Variants in RIMKLB observed in about 807,000 individuals in gnomAD.
RIMKLB encodes the protein ribosomal modification protein rimK like family member B.
In RIMKLB, 7 loss-of-function variants were observed where a neutral mutation model predicts 32.0. The observed-to-expected ratio is 0.22, with a 90% confidence interval of 0.12 to 0.41. RIMKLB has a LOEUF of 0.41. Ranked by LOEUF, RIMKLB falls within the 10% of genes least tolerant of loss-of-function variation. The pLI, the probability that RIMKLB is intolerant of heterozygous loss-of-function variation, is 1.00. For synonymous variants in RIMKLB, 172 were observed against 185.1 expected (o/e 0.93, Z 0.57); for missense variants, 289 against 498.7 (o/e 0.58, Z 4.00).
chr12:8,728,528 C>T (rs1946240577), intron 2 of RIMKLB, among the ~76,000 whole-genome samples: 1 of 152,090 alleles, frequency 6.6e-6, no homozygotes. Flanking sequence ...TTTTTCTCCC[C>T]CTAGGTAGGT....
intron 2 of RIMKLB, among the ~76,000 whole-genome samples, chr12:8,737,149 C>A (rs1209457674): frequency 6.6e-6 from 1 of 152,026 alleles, no homozygotes; most frequent in East Asian, 1.9e-4. Flanking sequence ...AGTTCATACT[C>A]AAAAATAGCT....
At chr12:8,742,789 G>T in intron 2 of RIMKLB, 1 of 222,228 alleles carries the variant, frequency 4.5e-6, no homozygotes, top group Non-Finnish European at 9.0e-6. Flanking sequence ...TCCAGGAGCT[G>T]TGCCTTCTGA....
At chr12:8,669,374 G>C in the RIMKLB span, among the ~76,000 whole-genome samples, 2 of 152,066 alleles carry the variant, frequency 1.3e-5, no homozygotes, top group Non-Finnish European at 2.9e-5. Context: ...TCTAACATTG[G>C]GGGTCAAGTT....
chr12:8,744,104 T>A (rs1481454110), intron 2 of RIMKLB, among the ~76,000 whole-genome samples: 1 of 151,954 alleles, frequency 6.6e-6, no homozygotes, highest in Admixed American at 6.6e-5. Flanking sequence ...TCCTTTTATA[T>A]CCATTTATAA....
intron 1 of RIMKLB, among the ~76,000 whole-genome samples, chr12:8,685,837 T>G (rs762617033): frequency 7.9e-5 from 12 of 151,166 alleles, no homozygotes; most frequent in Admixed American, 2.0e-4. Flanking sequence ...AGACAGAGTC[T>G]CGCTCTGTCT....
At chr12:8,720,880 C>G (rs927990070) in intron 2 of RIMKLB, among the ~76,000 whole-genome samples, 3 of 152,070 alleles carry the variant, frequency 2.0e-5, no homozygotes, top group Admixed American at 6.6e-5. Flanking sequence ...TGCCTATGGC[C>G]TTGTAGCTAG....
intron 4 of RIMKLB, among the ~76,000 whole-genome samples, chr12:8,753,076 T>C (rs531684976): frequency 1.3e-5 from 2 of 152,142 alleles, no homozygotes; most frequent in East Asian, 1.9e-4. Context: ...TAAAATGATA[T>C]ATCAGTCTGA....
intron 2 of RIMKLB, among the ~76,000 whole-genome samples, chr12:8,730,534 A>G (rs1946437153): frequency 6.6e-6 from 1 of 152,094 alleles, no homozygotes; most frequent in South Asian, 2.1e-4. Context: ...AGCTTTTCCA[A>G]CCTGAGAACC....
chr12:8,768,049 C>T (rs981558434), intron 5 of RIMKLB, among the ~76,000 whole-genome samples: 1 of 152,168 alleles, frequency 6.6e-6, no homozygotes, highest in Non-Finnish European at 1.5e-5. Context: ...GTTCTCTGAC[C>T]TGGGGTTCTT....
the RIMKLB span, among the ~76,000 whole-genome samples, chr12:8,671,910 TCAAAACAAAA>T: frequency 0.013 from 1,910 of 151,562 alleles, 28 homozygotes; most frequent in African/African-American, 0.04. Flanking sequence ...AGACTCCATC[TCAAAACAAAA>T]CAAAACAAAA....
intron 2 of RIMKLB, among the ~76,000 whole-genome samples, chr12:8,729,929 A>C (rs1370239415): frequency 6.6e-6 from 1 of 152,152 alleles, no homozygotes; most frequent in Admixed American, 6.5e-5. Context: ...TTCCCTAATG[A>C]TTAGTGATTT....
At chr12:8,686,422 C>T (rs866013470) in intron 1 of RIMKLB, among the ~76,000 whole-genome samples, 1 of 151,894 alleles carries the variant, frequency 6.6e-6, no homozygotes, top group South Asian at 2.1e-4. Context: ...CCACCACAGA[C>T]GCGTGACACC....
At position 8,741,923 on chromosome 12, in the gene RIMKLB, C is replaced by CTTTTT. The variant is rs145008488; in HGVS notation, c.176-7933_176-7929dup. 1.7e-3 allele frequency among the ~76,000 whole-genome samples: 242 copies of CTTTTT among 146,666 alleles called. 1 individual carries two copies. Among genetic ancestry groups the CTTTTT allele is most frequent in the African/African-American group, 6.1e-3 (237 of 38,718 alleles). On this transcript the variant is annotated intron_variant, in intron 2 of 5. Coordinates refer to ENST00000535829, the MANE Select transcript of RIMKLB (RefSeq NM_001297776.2). ...AGTTTAAATTATTAAAAAAGGAGAG[C>CTTTTT]TTTTTTTTTTGTTTTTTTTGAGAGA... is the stretch of plus-strand genomic sequence containing the variant.
chr12:8,743,825 A>T (rs1450144076), intron 2 of RIMKLB, among the ~76,000 whole-genome samples: 1 of 151,978 alleles, frequency 6.6e-6, no homozygotes, highest in Non-Finnish European at 1.5e-5. Flanking sequence ...GCACTTTATT[A>T]TACACTGATC....
At chr12:8,691,070 C>T (rs1396447892) in intron 1 of RIMKLB, among the ~76,000 whole-genome samples, 2 of 152,090 alleles carry the variant, frequency 1.3e-5, no homozygotes, top group African/African-American at 4.8e-5. Context: ...GATCCTCATG[C>T]CTAAGTCTAC....
the RIMKLB span, among the ~76,000 whole-genome samples, chr12:8,674,216 A>G: frequency 6.9e-6 from 1 of 145,062 alleles, no homozygotes; most frequent in African/African-American, 2.6e-5. Flanking sequence ...ACCTCTTCTC[A>G]CAATTCTTTT....
intron 1 of RIMKLB, among the ~76,000 whole-genome samples, chr12:8,708,859 G>T (rs891018734): frequency 6.6e-6 from 1 of 152,048 alleles, no homozygotes; most frequent in Non-Finnish European, 1.5e-5. Flanking sequence ...AGTTTGTGTG[G>T]GAAAACTCTC....
intron 1 of RIMKLB, among the ~76,000 whole-genome samples, chr12:8,703,119 C>T (rs112646496): frequency 3.9e-5 from 6 of 152,194 alleles, no homozygotes; most frequent in Admixed American, 2.0e-4. Context: ...AAACCCATGT[C>T]TACTAAAAAT....
chr12:8,777,527 C>A, downstream of RIMKLB: 2 of 1,206,076 alleles, frequency 1.7e-6, no homozygotes, highest in South Asian at 1.5e-5. Context: ...TAATGTTTTG[C>A]ATTTTTTACA....
Sources: gnomAD v4.1 joint callset for allele counts (sites outside exome capture counted in the v4.1 genomes callset) on GRCh38, gnomAD v4.1.1 for gene constraint, MANE v1.5 for transcripts, NCBI Gene and HGNC (gene_info 2026-07-23, HGNC 2026-07-21) for gene names.